POC1B: variants seen among roughly 807,000 people sequenced by gnomAD.
POC1B encodes the protein POC1 centriolar protein B.
In POC1B, 44 loss-of-function variants were observed where a neutral mutation model predicts 60.6. The observed-to-expected ratio is 0.73, with a 90% CI of 0.57 to 0.93. The LOEUF (loss-of-function observed/expected upper bound fraction) is 0.93. POC1B is among the 40% of genes least tolerant of loss of function. POC1B has a pLI of 0.00. For missense variants in POC1B, 555 were observed against 572.3 expected (o/e 0.97, Z 0.31); for synonymous variants, 180 against 198.9 (o/e 0.90, Z 0.80).
At chr12:89,487,643 T>C (rs902403018) in intron 4 of POC1B, among the ~76,000 whole-genome samples, 1 of 152,204 alleles carries the variant, frequency 6.6e-6, no homozygotes, top group Non-Finnish European at 1.5e-5. Context: ...TTGTCCCATA[T>C]GCTCCCTGTG....
At chr12:89,493,653 C>G (rs182500378) in intron 3 of POC1B, among the ~76,000 whole-genome samples, 14 of 152,262 alleles carry the variant, frequency 9.2e-5, no homozygotes, top group African/African-American at 3.4e-4. Flanking sequence ...CTAGAGAAAA[C>G]AAAGAAAAGA....
intron 2 of POC1B, among the ~76,000 whole-genome samples, chr12:89,513,847 T>C (rs79531068): frequency 6.6e-6 from 1 of 152,198 alleles, no homozygotes; most frequent in East Asian, 1.9e-4. Context: ...TTGTCTTCCA[T>C]GAAGCCAGTC....
chr12:89,489,813 A>G (rs183542937), intron 4 of POC1B, among the ~76,000 whole-genome samples: 10 of 152,320 alleles, frequency 6.6e-5, no homozygotes, highest in Admixed American at 6.5e-4. Context: ...CCCCATGCCT[A>G]GAACATATGT....
chr12:89,439,325 G>A (rs1376906186), intron 10 of POC1B, among the ~76,000 whole-genome samples: 1 of 152,054 alleles, frequency 6.6e-6, no homozygotes, highest in Non-Finnish European at 1.5e-5. Flanking sequence ...AGTAACACAA[G>A]CTCCCCCACA....
the POC1B span, among the ~76,000 whole-genome samples, chr12:89,410,708 G>T: frequency 2.0e-5 from 3 of 151,464 alleles, no homozygotes; most frequent in Non-Finnish European, 4.4e-5. Flanking sequence ...AAGAAAACTG[G>T]CACAAGACAA....
intron 10 of POC1B, among the ~76,000 whole-genome samples, chr12:89,433,126 A>C (rs1314027822): frequency 6.6e-6 from 1 of 152,222 alleles, no homozygotes; most frequent in Admixed American, 6.5e-5. Flanking sequence ...ACTCAGAAGA[A>C]TGCAAAGTGA....
At chr12:89,505,866 T>C (rs940917789) in intron 2 of POC1B, among the ~76,000 whole-genome samples, 1 of 152,190 alleles carries the variant, frequency 6.6e-6, no homozygotes, top group Non-Finnish European at 1.5e-5. Context: ...TGGACTAGAC[T>C]GCGAGCCTTG....
intron 2 of POC1B, chr12:89,524,579 G>A (rs759287764): frequency 5.6e-6 from 9 of 1,608,328 alleles, no homozygotes; most frequent in Non-Finnish European, 7.6e-6. Context: ...GCGCAGACGC[G>A]GCCACCAAGC....
intron 9 of POC1B, among the ~76,000 whole-genome samples, chr12:89,465,104 C>A (rs888284501): frequency 6.6e-6 from 1 of 152,032 alleles, no homozygotes; most frequent in Non-Finnish European, 1.5e-5. Context: ...TAGGGGTATA[C>A]GTGAAAAATT....
At chr12:89,490,680 T>A (rs1403200452) in intron 4 of POC1B, among the ~76,000 whole-genome samples, 2 of 152,114 alleles carry the variant, frequency 1.3e-5, no homozygotes, top group Non-Finnish European at 2.9e-5. Flanking sequence ...CAATCTGCAC[T>A]TTCAGTACTT....
chr12:89,451,666 C>T (rs1175189909), intron 10 of POC1B, among the ~76,000 whole-genome samples: 1 of 152,016 alleles, frequency 6.6e-6, no homozygotes, highest in African/African-American at 2.4e-5. Context: ...CTTTAGAAGC[C>T]CTAATAATAT....
intron 4 of POC1B, among the ~76,000 whole-genome samples, chr12:89,477,475 C>A (rs1017630063): frequency 2.6e-5 from 4 of 152,108 alleles, no homozygotes; most frequent in South Asian, 2.1e-4. Flanking sequence ...CCTGCAGGAA[C>A]CTCCAGCTCT....
At position 89,525,976 on chromosome 12, in the gene POC1B, C is replaced by T. The variant is rs1391407609; in HGVS notation, c.-81G>A. ...GGAGAGGATGGGGAAGGAGAGGGGA[C>T]CGTGCGGCTCCCGGAACCGTCTGCC... On this transcript the variant is annotated 5_prime_UTR_variant, in exon 1 of 12. Transcript: ENST00000313546. The T allele has an allele frequency of 2.0e-5, 31 of 1,544,546 alleles. No individual in the cohort carries two copies. The highest frequency in any genetic ancestry group is 2.7e-5 in the Non-Finnish European group (31 of 1,145,206).
At position 89,459,728 on chromosome 12, in the gene POC1B, T is replaced by A; in HGVS notation, c.1033-10A>T. ...CAAGCTTTGGATTAATCTGTGTATA[T>A]ACATAAAAAAAAATTATGAGATTTT... On this transcript the variant is annotated splice_polypyrimidine_tract_variant and intron_variant, in intron 9 of 11. Transcript: ENST00000313546. 7.0e-7 allele frequency: 1 copy of A among 1,424,772 alleles called. No homozygotes were observed. Among genetic ancestry groups the A allele is most frequent in the Non-Finnish European group, 9.4e-7 (1 of 1,066,006 alleles). The allele number at this position is 1,424,772 out of a possible 1,614,324, so 88.3% of individuals were successfully genotyped here.
At chr12:89,477,376 C>T (rs569270565) in intron 4 of POC1B, among the ~76,000 whole-genome samples, 4 of 152,050 alleles carry the variant, frequency 2.6e-5, no homozygotes, top group East Asian at 1.9e-4. Context: ...ATTACTTGTT[C>T]GGGAATTTAC....
rs532581546 is a variant in POC1B, at chr12:89,497,643, G to A, written c.101-301C>T. Among the ~76,000 whole-genome samples, 7 of 152,234 alleles carry A rather than the reference G, an allele frequency of 4.6e-5. No individual in the cohort carries two copies. In the East Asian group the frequency reaches 7.7e-4, roughly 17 times the overall value. ...CAGCACAGTGTAACAGAGGGTACACGGGACTAAGAGTCAGTTTTGTTTCTA... is the reference window on the plus strand; with the variant it reads ...CAGCACAGTGTAACAGAGGGTACACAGGACTAAGAGTCAGTTTTGTTTCTA... On this transcript the variant is annotated intron_variant, in intron 2 of 11. Coordinates refer to ENST00000313546, the MANE Select transcript of POC1B (RefSeq NM_172240.3).
chr12:89,524,382 C>T (rs1871222860), intron 2 of POC1B: 1 of 1,613,902 alleles, frequency 6.2e-7, no homozygotes, highest in African/African-American at 1.3e-5. Context: ...ACAAATCCTC[C>T]GTATTTTTCT....
chr12:89,483,656 C>G (rs902842941), intron 4 of POC1B, among the ~76,000 whole-genome samples: 2 of 152,130 alleles, frequency 1.3e-5, no homozygotes, highest in Admixed American at 1.3e-4. Flanking sequence ...GACACAAACT[C>G]AGACCATAGT....
intron 2 of POC1B, chr12:89,500,295 A>C: frequency 1.3e-6 from 2 of 1,534,690 alleles, no homozygotes; most frequent in Non-Finnish European, 1.8e-6. Context: ...AAAATAAAAG[A>C]CACTTGTATT....
Sources: gnomAD v4.1 joint callset for allele counts (sites outside exome capture counted in the v4.1 genomes callset) on GRCh38, gnomAD v4.1.1 for gene constraint, MANE v1.5 for transcripts, NCBI Gene and HGNC (gene_info 2026-07-23, HGNC 2026-07-21) for gene names.